Variants in ELOVL2 observed in about 807,000 individuals in gnomAD.
The protein encoded by ELOVL2 is ELOVL fatty acid elongase 2.
ELOVL2 carries 38 observed loss-of-function variants against 37.7 expected under a neutral mutation model. The ratio of observed to expected loss-of-function variants is 1.01; its 90% CI spans 0.78 to 1.32. ELOVL2 has a LOEUF of 1.32. Ranked by LOEUF, ELOVL2 falls within the 40% of genes most tolerant of loss-of-function variation. The probability of loss-of-function intolerance (pLI) is 0.00; values close to 1 mark genes in which losing one functional copy is unlikely to be tolerated. For missense variants in ELOVL2, 352 were observed against 363.6 expected (o/e 0.97, Z 0.26); for synonymous variants, 115 against 122.3 (o/e 0.94, Z 0.40).
chr6:11,029,721 G>A (rs1456459572), intron 1 of ELOVL2, among the ~76,000 whole-genome samples: 2 of 152,108 alleles, frequency 1.3e-5, no homozygotes, highest in East Asian at 3.9e-4. Context: ...TCCAGTTTGG[G>A]GTTTACCATT....
In ELOVL2 at chr6:11,019,337, A is replaced by T. The variant is rs574141647; in HGVS notation, c.4-8528T>A. Among the ~76,000 whole-genome samples, 66 of 152,322 alleles carry T rather than the reference A, an allele frequency of 4.3e-4. No individual in the cohort carries two copies. In the East Asian group the frequency reaches 0.011, roughly 25 times the overall value. On this transcript the variant is annotated intron_variant, in intron 1 of 7. Transcript: ENST00000354666. ...CCCTCCAGGTTTAGTATATTTTAAA[A>T]TTTTGGCACCTTTATTCAGATTACT...
intron 1 of ELOVL2, among the ~76,000 whole-genome samples, chr6:11,034,561 T>C (rs911412900): frequency 2.0e-5 from 3 of 151,916 alleles, no homozygotes; most frequent in African/African-American, 4.8e-5. Context: ...CACACACTTG[T>C]ATTCCCAGCT....
rs114299680 is a variant in ELOVL2, at chr6:11,028,721, A to G, written c.3+15507T>C. The stretch of plus-strand genomic sequence containing the variant: ...GTAATAATAGTAATATATTTATTAT[A>G]AAGAACTAGAATGTGTTTATTAGAT... On this transcript the variant is annotated intron_variant, in intron 1 of 7. Transcript: ENST00000354666. 5.5e-3 allele frequency among the ~76,000 whole-genome samples: 832 copies of G among 152,182 alleles called. 6 individuals carry two copies. Among genetic ancestry groups the G allele is most frequent in the South Asian group, 0.027 (130 of 4,820 alleles).
intron 3 of ELOVL2, among the ~76,000 whole-genome samples, chr6:11,001,866 G>C (rs1045787692): frequency 6.6e-6 from 1 of 152,166 alleles, no homozygotes; most frequent in African/African-American, 2.4e-5. Flanking sequence ...GTGTAAGGAG[G>C]TGTGGACTAA....
chr6:11,011,848 C>A (rs138514018), intron 1 of ELOVL2, among the ~76,000 whole-genome samples: 48 of 152,288 alleles, frequency 3.2e-4, no homozygotes, highest in African/African-American at 1.2e-3. Context: ...GTCTACAGCA[C>A]CTCCTCAAGC....
At position 11,030,639 on chromosome 6, in the gene ELOVL2, C is replaced by G. The variant is rs373109342; in HGVS notation, c.3+13589G>C. Among the ~76,000 whole-genome samples, 13 of 151,978 alleles carry G rather than the reference C, an allele frequency of 8.6e-5. No individual in the cohort carries two copies. The East Asian group carries it at 2.1e-3, about 25-fold the overall frequency. ...CCTGAGTAGCTGGGTATACAGGCGC[C>G]CGCCACCACGCCCGGCTAATTTTTT... On this transcript the variant is annotated intron_variant, in intron 1 of 7. Transcript: ENST00000354666.
At chr6:11,033,993 T>C (rs1034639260) in intron 1 of ELOVL2, among the ~76,000 whole-genome samples, 1 of 152,204 alleles carries the variant, frequency 6.6e-6, no homozygotes, top group African/African-American at 2.4e-5. Context: ...TGTGTGAGTA[T>C]ACATATTTTA....
chr6:11,031,019 G>A (rs1478810254), intron 1 of ELOVL2, among the ~76,000 whole-genome samples: 1 of 152,088 alleles, frequency 6.6e-6, no homozygotes, highest in Non-Finnish European at 1.5e-5. Context: ...ACGTTTTAAG[G>A]ATTTATATGC....
chr6:11,032,900 A>T (rs1055276797), intron 1 of ELOVL2, among the ~76,000 whole-genome samples: 1 of 152,244 alleles, frequency 6.6e-6, no homozygotes, highest in Non-Finnish European at 1.5e-5. Flanking sequence ...CTAACTTACT[A>T]TCACTAGGAA....
chr6:11,020,712 C>T (rs182883888), intron 1 of ELOVL2, among the ~76,000 whole-genome samples: 1 of 152,292 alleles, frequency 6.6e-6, no homozygotes, highest in African/African-American at 2.4e-5. Context: ...GTAGTCTGTC[C>T]TAAGTGCTGG....
At chr6:11,017,319 G>C (rs1033081575) in intron 1 of ELOVL2, among the ~76,000 whole-genome samples, 3 of 152,168 alleles carry the variant, frequency 2.0e-5, no homozygotes, top group African/African-American at 7.2e-5. Context: ...CTCAAGAGTG[G>C]TGCTATCAGG....
At position 11,044,304 on chromosome 6, in the gene ELOVL2, C is replaced by A; in HGVS notation, c.-74G>T. The A allele has an allele frequency of 1.7e-6, 2 of 1,210,274 alleles. No individual in the cohort carries two copies. Among genetic ancestry groups the A allele is most frequent in the Non-Finnish European group, 1.0e-6 (1 of 970,982 alleles). The allele number at this position is 1,210,274 out of a possible 1,614,324, so 75.0% of individuals were successfully genotyped here. On this transcript the variant is annotated 5_prime_UTR_variant, in exon 1 of 8. Transcript: ENST00000354666. The surrounding 1 kb of genome is among the most constrained non-coding windows in gnomAD (Gnocchi z 5.6). ...GTCCAGGGTAGCCGGGTCCCTCTGC[C>A]CGGCGCTATCTCGGCGCCCGCGCCG...
chr6:11,036,030 A>C (rs1317232180), intron 1 of ELOVL2, among the ~76,000 whole-genome samples: 1 of 152,218 alleles, frequency 6.6e-6, no homozygotes, highest in Admixed American at 6.5e-5. Flanking sequence ...CTTCAAAAGG[A>C]GAACAAATGC....
At chr6:11,028,652 GCCC>G (rs1003188792) in intron 1 of ELOVL2, among the ~76,000 whole-genome samples, 1 of 147,048 alleles carries the variant, frequency 6.8e-6, no homozygotes, top group Admixed American at 6.6e-5. Flanking sequence ...GTTCAGAGTT[GCCC>G]CCCATCACTG....
In ELOVL2 at chr6:10,989,741, G is replaced by T; in HGVS notation, c.727C>A (p.Leu243Ile). 6.2e-7 allele frequency: 1 copy of T among 1,613,952 alleles called. No homozygotes were observed. The highest frequency in any genetic ancestry group is 8.5e-7 in the Non-Finnish European group (1 of 1,179,824). The change falls in exon 7 of 8, where the codon CTA (leucine) becomes ATA (isoleucine). Residue 243 changes from leucine (L) to isoleucine (I), a missense_variant. By Grantham distance (5) the Leu-to-Ile change is conservative (BLOSUM62 2). Coordinates refer to ENST00000354666, the MANE Select transcript of ELOVL2 (RefSeq NM_017770.4). ...GCLIFQSSYM[L>I]TLVILFLNFY... ...TTTAAGAAGAGGATGACTAACGTTA[G>T]CATATAAGATGACTGGAAGATGAGA... is the stretch of plus-strand genomic sequence containing the variant.
chr6:10,997,700 G>A (rs1418313232), intron 4 of ELOVL2, among the ~76,000 whole-genome samples: 1 of 152,142 alleles, frequency 6.6e-6, no homozygotes, highest in African/African-American at 2.4e-5. Context: ...TTAGACTCAG[G>A]TGTAATGTTT....
chr6:11,005,830 A>G (rs148459629), intron 2 of ELOVL2, among the ~76,000 whole-genome samples: 1 of 152,230 alleles, frequency 6.6e-6, no homozygotes. Context: ...TTGAATGCCT[A>G]TTTTGGAACA....
At chr6:10,992,326 G>A (rs141976097) in intron 5 of ELOVL2, among the ~76,000 whole-genome samples, 351 of 152,292 alleles carry the variant, frequency 2.3e-3, no homozygotes, top group African/African-American at 7.8e-3. Context: ...TTTGACTGAA[G>A]TTTTACATGT....
At chr6:11,037,590 A>G (rs1783030608) in intron 1 of ELOVL2, among the ~76,000 whole-genome samples, 1 of 151,288 alleles carries the variant, frequency 6.6e-6, no homozygotes, top group Admixed American at 6.6e-5. Flanking sequence ...AATTACTACT[A>G]TAAGGGAGCA....
Sources: gnomAD v4.1 joint callset for allele counts (sites outside exome capture counted in the v4.1 genomes callset) on GRCh38, gnomAD v4.1.1 for gene constraint, Gnocchi (gnomAD v3.1) non-coding constraint, MANE v1.5 for transcripts, NCBI Gene and HGNC (gene_info 2026-07-23, HGNC 2026-07-21) for gene names.